Variants in CHST11 observed in about 807,000 individuals in gnomAD.
CHST11 encodes C4S-1.
CHST11 carries 9 observed loss-of-function variants against 30.4 expected under a neutral mutation model. That is an observed-to-expected ratio of 0.30 (90% confidence interval 0.18 to 0.52). The LOEUF (loss-of-function observed/expected upper bound fraction) is 0.52. Among genes scored for constraint, CHST11 ranks in the 20% least tolerant of loss-of-function variants. The pLI, the probability that CHST11 is intolerant of heterozygous loss-of-function variation, is 0.97. For synonymous variants in CHST11, 152 were observed against 187.8 expected (o/e 0.81, Z 1.56); for missense variants, 348 against 460.6 (o/e 0.76, Z 2.24).
intron 1 of CHST11, among the ~76,000 whole-genome samples, chr12:104,549,156 C>T (rs1190391403): frequency 2.6e-5 from 4 of 152,096 alleles, no homozygotes; most frequent in Non-Finnish European, 5.9e-5. Flanking sequence ...GCAGATTCAC[C>T]ATGTTTAGTG....
chr12:104,475,228 A>G (rs1284091189), intron 1 of CHST11, among the ~76,000 whole-genome samples: 3 of 152,204 alleles, frequency 2.0e-5, no homozygotes, highest in Non-Finnish European at 4.4e-5. Flanking sequence ...CCAAATATTT[A>G]TCTGAGCAAA....
chr12:104,725,496 T>C (rs2040209930), intron 2 of CHST11, among the ~76,000 whole-genome samples: 3 of 152,024 alleles, frequency 2.0e-5, no homozygotes. Context: ...GTGTACATGA[T>C]ACCTCAATAA....
At chr12:104,564,170 G>T (rs1282963757) in intron 1 of CHST11, among the ~76,000 whole-genome samples, 1 of 152,152 alleles carries the variant, frequency 6.6e-6, no homozygotes, top group Non-Finnish European at 1.5e-5. Flanking sequence ...AGCTTCCCAG[G>T]TGGGTCTCCT....
chr12:104,477,796 A>C (rs2037577893), intron 1 of CHST11, among the ~76,000 whole-genome samples: 1 of 152,250 alleles, frequency 6.6e-6, no homozygotes, highest in South Asian at 2.1e-4. Context: ...CAAATGGACT[A>C]AGACAAGGAA....
chr12:104,535,074 C>T (rs561918839), intron 1 of CHST11, among the ~76,000 whole-genome samples: 25 of 152,204 alleles, frequency 1.6e-4, no homozygotes, highest in Non-Finnish European at 2.8e-4. Flanking sequence ...AAAATCACTC[C>T]TTGTGGAGCT....
At chr12:104,495,629 A>G (rs1294257991) in intron 1 of CHST11, among the ~76,000 whole-genome samples, 3 of 152,212 alleles carry the variant, frequency 2.0e-5, no homozygotes, top group Non-Finnish European at 4.4e-5. Flanking sequence ...GATAACTACT[A>G]TTTATTGAGT....
chr12:104,632,971 G>A (rs781041106), intron 2 of CHST11, among the ~76,000 whole-genome samples: 1 of 152,214 alleles, frequency 6.6e-6, no homozygotes, highest in African/African-American at 2.4e-5. Context: ...AGGGGCCCTG[G>A]GAAACTCTTT....
At chr12:104,510,071 A>G (rs935399848) in intron 1 of CHST11, among the ~76,000 whole-genome samples, 1 of 152,140 alleles carries the variant, frequency 6.6e-6, no homozygotes, top group African/African-American at 2.4e-5. Flanking sequence ...AGCTTACTGA[A>G]TCAGGCCCAG....
intron 1 of CHST11, among the ~76,000 whole-genome samples, chr12:104,536,833 T>C (rs2038241502): frequency 6.6e-6 from 1 of 152,186 alleles, no homozygotes; most frequent in Admixed American, 6.5e-5. Flanking sequence ...CCCTGTCCAG[T>C]TCATCTTTCT....
At chr12:104,555,200 G>T (rs1428236680) in intron 1 of CHST11, among the ~76,000 whole-genome samples, 2 of 152,172 alleles carry the variant, frequency 1.3e-5, no homozygotes, top group Admixed American at 1.3e-4. Flanking sequence ...TGCACACCTT[G>T]TGGCTTGCTC....
chr12:104,681,268 A>C (rs765773084), intron 2 of CHST11, among the ~76,000 whole-genome samples: 13 of 152,244 alleles, frequency 8.5e-5, no homozygotes, highest in Non-Finnish European at 1.6e-4. Flanking sequence ...ATAAAAAGGA[A>C]TGCAGTACTG....
intron 1 of CHST11, among the ~76,000 whole-genome samples, chr12:104,524,988 G>T (rs969351505): frequency 6.6e-6 from 1 of 152,124 alleles, no homozygotes; most frequent in African/African-American, 2.4e-5. Flanking sequence ...TCGGCATAGT[G>T]TAAGTGCTTG....
chr12:104,498,565 A>G (rs989849303), intron 1 of CHST11, among the ~76,000 whole-genome samples: 1 of 152,178 alleles, frequency 6.6e-6, no homozygotes, highest in Non-Finnish European at 1.5e-5. Context: ...GACTGGGATA[A>G]TCTACTGTGG....
chr12:104,674,640 A>G lies in CHST11; in HGVS notation c.204+72649A>G, dbSNP rs572356096. 5.3e-5 allele frequency among the ~76,000 whole-genome samples: 8 copies of G among 152,348 alleles called. No individual in the cohort carries two copies. In the South Asian group the frequency reaches 1.7e-3, roughly 32 times the overall value. ...GAGTCAGAGTTCCATAAATGTTTAT[A>G]GAATTAATTGAATATTGAATGGCTT... On this transcript the variant is annotated intron_variant, in intron 2 of 2. Transcript: ENST00000303694.
chr12:104,483,485 C>T (rs781493277), intron 1 of CHST11, among the ~76,000 whole-genome samples: 8 of 152,092 alleles, frequency 5.3e-5, no homozygotes, highest in Non-Finnish European at 1.0e-4. Flanking sequence ...GGATTACAGG[C>T]GTGAGCCACC....
At chr12:104,655,814 T>C (rs1051820607) in intron 2 of CHST11, among the ~76,000 whole-genome samples, 1 of 152,202 alleles carries the variant, frequency 6.6e-6, no homozygotes, top group African/African-American at 2.4e-5. Context: ...GACAGAGAGT[T>C]CTTCTGCCCC....
At chr12:104,542,154 T>G (rs1257575967) in intron 1 of CHST11, among the ~76,000 whole-genome samples, 1 of 152,214 alleles carries the variant, frequency 6.6e-6, no homozygotes, top group Non-Finnish European at 1.5e-5. Flanking sequence ...TGCTAACATT[T>G]TAGAAATAAT....
At chr12:104,735,767 C>A (rs1468442227) in intron 2 of CHST11, among the ~76,000 whole-genome samples, 5 of 152,192 alleles carry the variant, frequency 3.3e-5, no homozygotes, top group African/African-American at 9.7e-5. Context: ...GATGCAGATG[C>A]TGGGTGCCAG....
At chr12:104,460,301 A>G (rs2037395130) in intron 1 of CHST11, among the ~76,000 whole-genome samples, 1 of 152,176 alleles carries the variant, frequency 6.6e-6, no homozygotes, top group Non-Finnish European at 1.5e-5. Flanking sequence ...AAATAGAAAA[A>G]TAGTATTGCA....
Sources: gnomAD v4.1 joint callset for allele counts (sites outside exome capture counted in the v4.1 genomes callset) on GRCh38, gnomAD v4.1.1 for gene constraint, MANE v1.5 for transcripts, NCBI Gene and HGNC (gene_info 2026-07-23, HGNC 2026-07-21) for gene names.